IRS2: variants seen among roughly 807,000 people sequenced by gnomAD.
IRS2 encodes insulin receptor substrate 2.
A neutral mutation model predicts 70.9 loss-of-function variants in IRS2; 28 were observed. That is an observed-to-expected ratio of 0.39 (90% CI 0.29 to 0.54). IRS2 has a LOEUF of 0.54. IRS2 is among the 20% of genes least tolerant of loss of function. IRS2 has a pLI of 0.59. For synonymous variants in IRS2, 1,217 were observed against 981.9 expected (o/e 1.24, Z -4.48); for missense variants, 2,081 against 2,024.1 (o/e 1.03, Z -0.54).
At position 109,753,632 on chromosome 13, in the gene IRS2, G is replaced by C. The variant is rs147419832; in HGVS notation, c.*2672C>G. On this transcript the variant is annotated 3_prime_UTR_variant, in exon 2 of 2. Transcript: ENST00000375856. Reference sequence around the variant, plus strand: ...TTTTGTAGAGTACATCGAATGTTCTGTTTTGTTATATAACACATTTACTTT... The same window carrying C: ...TTTTGTAGAGTACATCGAATGTTCTCTTTTGTTATATAACACATTTACTTT... The C allele has an allele frequency of 1.2e-5, 2 of 173,494 alleles. No individual in the cohort carries two copies. Among genetic ancestry groups the C allele is most frequent in the Non-Finnish European group, 2.5e-5 (2 of 80,212 alleles). 10.7% of individuals were successfully genotyped at this position (173,494 alleles called of 1,614,324 possible). A position where few individuals can be genotyped will look rare whatever the true frequency, so the allele number is the denominator to read the frequency against.
Position 109,782,815 on chromosome 13 carries a change from G to A in IRS2, c.3239C>T (p.Ala1080Val), listed in dbSNP as rs766793124. ...GDYTEMAFGV[A>V]ATPPQPIAAP... ...CGCGATAGGTTGCGGCGGGGTGGCG[G>A]CCACACCAAAAGCCATCTCGGTGTA... The change falls in exon 1 of 2, where the codon GCC (alanine) becomes GTC (valine). Residue 1080 changes from alanine (A) to valine (V), a missense_variant. Physicochemically the swap from Ala to Val is moderately conservative, Grantham distance 64 (BLOSUM62 0). Transcript: ENST00000375856. 2.5e-6 allele frequency: 4 copies of A among 1,591,786 alleles called. No homozygotes were observed. Among genetic ancestry groups the A allele is most frequent in the African/African-American group, 2.7e-5 (2 of 74,740 alleles).
At chr13:109,781,936 CT>C in intron 1 of IRS2, 105 bp downstream of exon 1, 1 of 1,299,698 alleles carries the variant, frequency 7.7e-7, no homozygotes, top group Non-Finnish European at 1.1e-6. Context: ...AGGCTGTCGG[CT>C]TCTGGGTCAA....
In IRS2 at chr13:109,782,078, A is replaced by G. The variant is rs1351031174; in HGVS notation, c.3976T>C (p.Leu1326=). The G allele has an allele frequency of 6.2e-7, 1 of 1,612,554 alleles. No homozygotes were observed. Among genetic ancestry groups the G allele is most frequent in the Admixed American group, 1.7e-5 (1 of 60,006 alleles). Residue 1326 remains leucine, a synonymous_variant, in exon 1 of 2, where the codon TTG becomes CTG. Transcript: ENST00000375856. ...GTGGCCTCCTTCAAGTGGTGGGACA[A>G]GAAGTCAATGCTGGCGTAGGTGTTG... ...PANTYASIDF[L]SHHLKEATIV...
chr13:109,783,706 A>T lies in IRS2; in HGVS notation c.2348T>A (p.Phe783Tyr), dbSNP rs772221336. 4.5e-6 allele frequency: 7 copies of T among 1,568,558 alleles called. No homozygotes were observed. Among genetic ancestry groups the T allele is most frequent in the African/African-American group, 4.1e-5 (3 of 73,944 alleles). The stretch of plus-strand genomic sequence containing the variant: ...GCCGGGGTGCAGGGCTGCGGAGAAG[A>T]AGTCGGGCGGGGTGCCCGTGGTGAC... ...DAVTTGTPPD[F>Y]FSAALHPGGE... Residue 783 changes from phenylalanine to tyrosine, a missense_variant, in exon 1 of 2, where the codon TTC (phenylalanine) becomes TAC (tyrosine). Physicochemically the swap from Phe to Tyr is conservative, Grantham distance 22. This residue lies in a region of IRS2 where 1,615 missense variants were observed against 1,459.5 expected (regional missense o/e 1.11). Coordinates refer to ENST00000375856, the MANE Select transcript of IRS2 (RefSeq NM_003749.3).
intron 1 of IRS2, 137 bp downstream of exon 1, chr13:109,781,905 A>T: frequency 1.0e-6 from 1 of 958,950 alleles, no homozygotes; most frequent in East Asian, 2.6e-5. Flanking sequence ...CCGCAGAAAA[A>T]CAAAACAAGG....
rs772877949 is a variant in IRS2 at position 109,783,089 on chromosome 13, G to T, written c.2965C>A (p.Pro989Thr). 5 of 1,389,936 alleles carry T rather than the reference G, an allele frequency of 3.6e-6. No individual in the cohort carries two copies. The highest frequency in any genetic ancestry group is 4.6e-6 in the Non-Finnish European group (5 of 1,079,106). The allele number at this position is 1,389,936 out of a possible 1,614,324, so 86.1% of individuals were successfully genotyped here. The part of the protein sequence containing the change: ...MNLDFSSPKS[P>T]KPGAPSGHPV... Reference sequence around the variant, plus strand: ...TGGCCGCTCGGGGCGCCCGGCTTAGGAGACTTGGGGGAGCTGAAGTCGAGG... The same window carrying T: ...TGGCCGCTCGGGGCGCCCGGCTTAGTAGACTTGGGGGAGCTGAAGTCGAGG... Residue 989 changes from proline (P) to threonine (T), a missense_variant, in exon 1 of 2, where the codon CCT becomes ACT. By Grantham distance (38) the Pro-to-Thr change is conservative (BLOSUM62 -1). Transcript: ENST00000375856.
intron 1 of IRS2, among the ~76,000 whole-genome samples, chr13:109,759,683 T>C (rs977008741): frequency 1.0e-4 from 14 of 135,762 alleles, no homozygotes; most frequent in African/African-American, 3.6e-4. Context: ...GAGCTGGTGG[T>C]AGAATCTTTG....
chr13:109,773,408 T>G (rs1244183480), intron 1 of IRS2, among the ~76,000 whole-genome samples: 1 of 152,182 alleles, frequency 6.6e-6, no homozygotes, highest in Non-Finnish European at 1.5e-5. Flanking sequence ...TATATGATAT[T>G]TCACTTATAG....
chr13:109,776,900 A>G (rs1877591758), intron 1 of IRS2, among the ~76,000 whole-genome samples: 1 of 152,176 alleles, frequency 6.6e-6, no homozygotes, highest in Non-Finnish European at 1.5e-5. Flanking sequence ...CTAAACTTGG[A>G]CAGCATTCTT....
chr13:109,785,064 G>A lies in IRS2; in HGVS notation c.990C>T (p.Asn330=), dbSNP rs1408975185. ...PGARRHHHLV[N]LPPSQTGLVR... ...CCAGGCCCGTCTGGCTGGGGGGCAG[G>A]TTGACCAGGTGGTGGTGGCGGCGCG... Residue 330 remains asparagine (N), a synonymous_variant, in exon 1 of 2, where the codon AAC becomes AAT. Transcript: ENST00000375856. The surrounding 1 kb of genome is among the most constrained non-coding windows in gnomAD (Gnocchi z 9.3). 23 of 1,568,114 alleles carry A rather than the reference G, an allele frequency of 1.5e-5. No individual in the cohort carries two copies. Among genetic ancestry groups the A allele is most frequent in the Non-Finnish European group, 2.0e-5 (23 of 1,158,484 alleles).
At position 109,784,007 on chromosome 13, in the gene IRS2, C is replaced by G. The variant is rs2138934385; in HGVS notation, c.2047G>C (p.Val683Leu). 3 of 1,535,238 alleles carry G rather than the reference C, an allele frequency of 2.0e-6. No homozygotes were observed. The highest frequency in any genetic ancestry group is 2.6e-6 in the Non-Finnish European group (3 of 1,145,322). The change falls in exon 1 of 2, where the codon GTG (valine) becomes CTG (leucine). Residue 683 changes from valine (V) to leucine (L), a missense_variant. This residue lies in a region of IRS2 where 1,615 missense variants were observed against 1,459.5 expected (regional missense o/e 1.11). Coordinates refer to ENST00000375856, the MANE Select transcript of IRS2 (RefSeq NM_003749.3). This position sits in a 1 kb window ranked among gnomAD's most constrained non-coding sequence, Gnocchi z 5.2. The stretch of plus-strand genomic sequence containing the variant: ...TGCAAGATCTGCTTGGGGGCGGACA[C>G]GCTGGCGGGGCTCATGGGCATGTAG... ...DDYMPMSPASVSAPKQILQPR... is the reference protein window; with the variant it reads ...DDYMPMSPASLSAPKQILQPR...
chr13:109,782,319 G>C lies in IRS2; in HGVS notation c.3735C>G (p.Ala1245=), dbSNP rs538286631. 3.7e-6 allele frequency: 6 copies of C among 1,611,682 alleles called. No homozygotes were observed. The highest frequency in any genetic ancestry group is 4.2e-6 in the Non-Finnish European group (5 of 1,179,460). Reference sequence around the variant, plus strand: ...TGTAGTTGAGACCATTCTGGAAGCCGGCAGAGGTCTCTCTGCGCATGGGCG... The same window carrying C: ...TGTAGTTGAGACCATTCTGGAAGCCCGCAGAGGTCTCTCTGCGCATGGGCG... ...GGSPMRRETS[A]GFQNGLNYIA... The change falls in exon 1 of 2, where the codon GCC becomes GCG. Residue 1245 remains alanine (A), a synonymous_variant. Transcript: ENST00000375856.
intron 1 of IRS2, among the ~76,000 whole-genome samples, chr13:109,781,705 C>T (rs535439334): frequency 6.6e-6 from 1 of 152,214 alleles, no homozygotes; most frequent in Non-Finnish European, 1.5e-5. Context: ...GTCGGGTGCC[C>T]CGCGGCCTCT....
chr13:109,762,145 C>T (rs557904884), intron 1 of IRS2, among the ~76,000 whole-genome samples: 4 of 152,152 alleles, frequency 2.6e-5, no homozygotes, highest in Admixed American at 6.5e-5. Context: ...AGAATGTACA[C>T]GGTTCTTTTC....
Position 109,785,899 on chromosome 13 carries a change from C to G in IRS2, c.155G>C (p.Gly52Ala), listed in dbSNP as rs1594393161. Residue 52 changes from glycine (G) to alanine (A), a missense_variant, in exon 1 of 2, where the codon GGA becomes GCA. This residue lies in a region of IRS2 where 320 missense variants were observed against 352.9 expected (regional missense o/e 0.91). Transcript: ENST00000375856. This position sits in a 1 kb window ranked among gnomAD's most constrained non-coding sequence, Gnocchi z 9.3. ...HGHKRFFVLR[G>A]PGAGGDEATA... ...CGCCTCGTCGCCGCCCGCGCCGGGT[C>G]CGCGCAGCACGAAGAAGCGCTTGTG... The G allele has an allele frequency of 2.7e-6, 4 of 1,492,638 alleles. No individual in the cohort carries two copies. Among genetic ancestry groups the G allele is most frequent in the Non-Finnish European group, 3.5e-6 (4 of 1,128,834 alleles). The allele number at this position is 1,492,638 out of a possible 1,614,324, so 92.5% of individuals were successfully genotyped here.
chr13:109,780,187 G>A (rs1448748385), intron 1 of IRS2, among the ~76,000 whole-genome samples: 1 of 152,178 alleles, frequency 6.6e-6, no homozygotes, highest in Non-Finnish European at 1.5e-5. Context: ...ATCAGATTCG[G>A]GTAAGATGTA....
In IRS2 at chr13:109,756,144, G is replaced by A. The variant is rs1877102800; in HGVS notation, c.*160C>T. 6.1e-6 allele frequency: 4 copies of A among 655,176 alleles called. No individual in the cohort carries two copies. The highest frequency in any genetic ancestry group is 1.1e-5 in the Non-Finnish European group (4 of 358,312). 40.6% of individuals were successfully genotyped at this position (655,176 alleles called of 1,614,324 possible). On this transcript the variant is annotated 3_prime_UTR_variant, in exon 2 of 2. Transcript: ENST00000375856. ...AAGAGGCAGGTGACCTTGCCTTGTT[G>A]GTGCCTCATCTAACAGAGTCCACAG...
At chr13:109,778,092 C>T (rs1877618170) in intron 1 of IRS2, among the ~76,000 whole-genome samples, 1 of 152,214 alleles carries the variant, frequency 6.6e-6, no homozygotes, top group African/African-American at 2.4e-5. Context: ...GTATCAACAA[C>T]TGGATTTATT....
intron 1 of IRS2, among the ~76,000 whole-genome samples, chr13:109,764,901 T>G (rs1031396267): frequency 1.3e-5 from 2 of 152,348 alleles, no homozygotes; most frequent in Middle Eastern, 3.4e-3. Flanking sequence ...GAAGTAGAAT[T>G]GTTTTTCTGG....
Sources: allele counts gnomAD v4.1 joint callset (sites outside exome capture counted in the v4.1 genomes callset), GRCh38; gene constraint gnomAD v4.1.1; regional missense constraint gnomAD v4.1.1; non-coding constraint Gnocchi (gnomAD v3.1); transcripts MANE v1.5; gene names NCBI Gene and HGNC (gene_info 2026-07-23, HGNC 2026-07-21).